ZNF429: variants seen among roughly 807,000 people sequenced by gnomAD.
The protein encoded by ZNF429 is zinc finger protein 429.
Under a neutral mutation model 56.8 loss-of-function variants are expected in ZNF429, and 53 were observed. The ratio of observed to expected loss-of-function variants is 0.93; its 90% CI spans 0.75 to 1.17. The LOEUF is 1.17. ZNF429 is among the 50% of genes most tolerant of loss of function. ZNF429 has a pLI of 0.00. For synonymous variants in ZNF429, 278 were observed against 264.7 expected, an observed-to-expected ratio of 1.05 and a Z score of -0.49; for missense variants, 849 against 788.4, an observed-to-expected ratio of 1.08 and a Z score of -0.92.
In ZNF429 at chr19:21,538,109, CA is replaced by C. The variant is rs35018389; in HGVS notation, c.*51del. ...TGAAACCCCGTCTCTACTAAAAATA[CA>C]AAAAAAAAAAAAAAAAAAATTAGCC... is the stretch of plus-strand genomic sequence containing the variant. On this transcript the variant is annotated 3_prime_UTR_variant, in exon 4 of 4. Coordinates refer to ENST00000358491, the MANE Select transcript of ZNF429 (RefSeq NM_001001415.4). 0.41 allele frequency: 182,466 copies of C among 443,108 alleles called. 16,984 individuals carry two copies. The highest frequency in any genetic ancestry group is 0.59 in the African/African-American group (20,847 of 35,264). The allele number at this position is 443,108 out of a possible 1,614,324, so 27.4% of individuals were successfully genotyped here.
intron 1 of ZNF429, among the ~76,000 whole-genome samples, chr19:21,525,571 T>C (rs995061659): frequency 2.0e-5 from 3 of 152,152 alleles, no homozygotes; most frequent in African/African-American, 7.2e-5. Flanking sequence ...TATATTTTGC[T>C]ACCTTTCTAG....
At position 21,537,783 on chromosome 19, in the gene ZNF429, C is replaced by T. The variant is rs556597845; in HGVS notation, c.1730C>T (p.Ser577Phe). ...CKQCDKAFTH[S>F]SNLSSHKKIH... ...CAATGTGACAAAGCTTTTACCCACT[C>T]CTCAAACCTTAGTAGTCATAAGAAA... The change falls in exon 4 of 4, where the codon TCC (serine) becomes TTC (phenylalanine). Residue 577 changes from serine (S) to phenylalanine (F), a missense_variant. Physicochemically the swap from Ser to Phe is radical, Grantham distance 155 (BLOSUM62 -2). Coordinates refer to ENST00000358491, the MANE Select transcript of ZNF429 (RefSeq NM_001001415.4). The T allele has an allele frequency of 3.4e-4, 543 of 1,613,294 alleles. No homozygotes were observed. Among genetic ancestry groups the T allele is most frequent in the Middle Eastern group, 5.0e-4 (3 of 6,060 alleles).
chr19:21,523,733 G>A (rs1341228134), intron 1 of ZNF429, among the ~76,000 whole-genome samples: 1 of 152,214 alleles, frequency 6.6e-6, no homozygotes, highest in East Asian at 1.9e-4. Context: ...TTTGCCCGCA[G>A]TTTACAATCC....
At chr19:21,505,942 G>C (rs537011091) in intron 1 of ZNF429, 168 bp downstream of exon 1, 9 of 644,696 alleles carry the variant, frequency 1.4e-5, no homozygotes, top group African/African-American at 7.5e-5. Flanking sequence ...GATGGCGACT[G>C]TGCTGACAGC....
At chr19:21,524,384 C>T (rs6511261) in intron 1 of ZNF429, among the ~76,000 whole-genome samples, 11 of 152,126 alleles carry the variant, frequency 7.2e-5, no homozygotes, top group East Asian at 1.9e-4. Flanking sequence ...AAAAATTAGC[C>T]GAGTGTGGTG....
At chr19:21,530,567 T>C in intron 2 of ZNF429, 22 bp from the exon 3 acceptor site, 2 of 1,555,162 alleles carry the variant, frequency 1.3e-6, no homozygotes, top group African/African-American at 2.7e-5. Flanking sequence ...AAGATTCATC[T>C]TCTTTATTTT....
chr19:21,507,003 G>T (rs959299358), intron 1 of ZNF429, among the ~76,000 whole-genome samples: 2 of 152,024 alleles, frequency 1.3e-5, no homozygotes, highest in Admixed American at 1.3e-4. Flanking sequence ...CCCGACCTCG[G>T]GTGATCCGCC....
chr19:21,522,588 T>A (rs2033021708), intron 1 of ZNF429, among the ~76,000 whole-genome samples: 1 of 152,180 alleles, frequency 6.6e-6, no homozygotes, highest in South Asian at 2.1e-4. Context: ...CTCTCAGGCT[T>A]CCAGTCAACT....
At chr19:21,533,768 C>G in intron 3 of ZNF429, among the ~76,000 whole-genome samples, 1 of 152,130 alleles carries the variant, frequency 6.6e-6, no homozygotes, top group East Asian at 1.9e-4. Flanking sequence ...ATTCTTCTGC[C>G]TCAACCTCCC....
At position 21,531,123 on chromosome 19, in the gene ZNF429, A is replaced by AC; in HGVS notation, c.226+439_226+440insC. On this transcript the variant is annotated intron_variant, in intron 3 of 3. Transcript: ENST00000358491. ...CTCCATCTCAAAAAAAAAAAAAAAAAAAAAAACCAAAAAAAAAAAAACACC... is the reference window on the plus strand; with the variant it reads ...CTCCATCTCAAAAAAAAAAAAAAAAACAAAAAACCAAAAAAAAAAAAACACC... Among the ~76,000 whole-genome samples the AC allele has an allele frequency of 4.0e-3, 375 of 93,282 alleles. 17 individuals are homozygous for AC. The highest frequency in any genetic ancestry group is 0.022 in the Middle Eastern group (4 of 182). The allele number at this position is 93,282 out of a possible 152,430, so 61.2% of individuals were successfully genotyped here.
chr19:21,529,742 A>G lies in ZNF429; in HGVS notation c.88A>G (p.Arg30Gly). Residue 30 changes from arginine (R) to glycine (G), a missense_variant, in exon 2 of 4, where the codon AGA becomes GGA. Arg to Gly is a moderately radical substitution (Grantham distance 125). Transcript: ENST00000358491. ...GGACACAGCACAACAGAACTTATAT[A>G]GAAATGTGATGTTAGAGAACTACAG... ...CLDTAQQNLYRNVMLENYRNL... is the reference protein window; with the variant it reads ...CLDTAQQNLYGNVMLENYRNL... 1 of 1,598,650 alleles carries G rather than the reference A, an allele frequency of 6.3e-7. No homozygotes were observed. Among genetic ancestry groups the G allele is most frequent in the Non-Finnish European group, 8.5e-7 (1 of 1,172,410 alleles).
chr19:21,510,809 C>T (rs2032417241), intron 1 of ZNF429, among the ~76,000 whole-genome samples: 1 of 152,008 alleles, frequency 6.6e-6, no homozygotes, highest in Non-Finnish European at 1.5e-5. Flanking sequence ...CTTCAAGCAT[C>T]TGTTTAACAA....
chr19:21,519,702 C>T (rs1313062447), intron 1 of ZNF429, among the ~76,000 whole-genome samples: 5 of 152,124 alleles, frequency 3.3e-5, no homozygotes, highest in African/African-American at 1.2e-4. Flanking sequence ...TGAGTGCACT[C>T]AATAAAATCC....
chr19:21,532,567 A>G, intron 3 of ZNF429, among the ~76,000 whole-genome samples: 1 of 152,216 alleles, frequency 6.6e-6, no homozygotes, highest in Admixed American at 6.5e-5. Flanking sequence ...AAGCAGTCAG[A>G]TTATGCAGTA....
intron 1 of ZNF429, among the ~76,000 whole-genome samples, chr19:21,517,787 T>A (rs1359805566): frequency 8.9e-6 from 1 of 112,136 alleles, no homozygotes; most frequent in Non-Finnish European, 1.9e-5. Context: ...ATGACCCTTT[T>A]GTCATTTCCT....
intron 1 of ZNF429, among the ~76,000 whole-genome samples, chr19:21,526,557 C>T (rs2033180243): frequency 1.3e-5 from 2 of 152,142 alleles, no homozygotes; most frequent in African/African-American, 4.8e-5. Flanking sequence ...CTCAGAGAGA[C>T]ATTAAAATGA....
chr19:21,511,484 C>T (rs1353432481), intron 1 of ZNF429, among the ~76,000 whole-genome samples: 1 of 151,872 alleles, frequency 6.6e-6, no homozygotes, highest in Non-Finnish European at 1.5e-5. Context: ...CGATGGGTGG[C>T]CAGGCAGAGA....
chr19:21,513,693 G>C (rs2032607384), intron 1 of ZNF429, among the ~76,000 whole-genome samples: 1 of 152,162 alleles, frequency 6.6e-6, no homozygotes, highest in Non-Finnish European at 1.5e-5. Context: ...TCTGGAAATG[G>C]GAGGCTCTGC....
chr19:21,529,835 TC>T, intron 2 of ZNF429, 51 bp downstream of exon 2: 2 of 1,175,800 alleles, frequency 1.7e-6, no homozygotes, highest in Non-Finnish European at 2.3e-6. Context: ...ATGTTTCATT[TC>T]TCCTCTTTGT....
Sources: gnomAD v4.1 joint callset for allele counts (sites outside exome capture counted in the v4.1 genomes callset) on GRCh38, gnomAD v4.1.1 for gene constraint, MANE v1.5 for transcripts, NCBI Gene and HGNC (gene_info 2026-07-23, HGNC 2026-07-21) for gene names.